Variants in ITPKB observed in about 807,000 individuals in gnomAD.
ITPKB encodes the protein inositol-trisphosphate 3-kinase B.
In ITPKB, 13 loss-of-function variants were observed where a neutral mutation model predicts 69.4. That is an observed-to-expected ratio of 0.19 (90% CI 0.12 to 0.30). The LOEUF is 0.30. ITPKB is among the 10% of genes least tolerant of loss of function. ITPKB has a pLI of 1.00. For synonymous variants in ITPKB, 584 were observed against 513.7 expected (o/e 1.14, Z -1.85); for missense variants, 1,240 against 1,250.5 (o/e 0.99, Z 0.13).
At chr1:226,719,516 T>C (rs528011015) in intron 2 of ITPKB, among the ~76,000 whole-genome samples, 1 of 152,306 alleles carries the variant, frequency 6.6e-6, no homozygotes, top group African/African-American at 2.4e-5. Context: ...ATATCACCTA[T>C]TGAAAGCCTG....
intron 2 of ITPKB, among the ~76,000 whole-genome samples, chr1:226,649,514 C>CGT (rs1669140585): frequency 6.9e-6 from 1 of 145,216 alleles, no homozygotes; most frequent in Admixed American, 6.9e-5. Flanking sequence ...GTGATATGTG[C>CGT]ATGTGTGTGA....
chr1:226,737,705 C>T (rs1168857228), intron 1 of ITPKB, 42 bp from the exon 2 acceptor site: 4 of 646,516 alleles, frequency 6.2e-6, no homozygotes, highest in South Asian at 7.2e-5. Flanking sequence ...CTGGAGGGCG[C>T]GCGGGGGGAG....
In ITPKB at chr1:226,732,545, GT is replaced by G. The variant is rs61106601; in HGVS notation, c.1932+2981del. The stretch of plus-strand genomic sequence containing the variant: ...GAGCCACCGTGCCCAGCGTTCTTTT[GT>G]TTTTTTTTTTTTTGTACATATAACT... On this transcript the variant is annotated intron_variant, in intron 2 of 7. Coordinates refer to ENST00000429204, the MANE Select transcript of ITPKB (RefSeq NM_002221.4). 8.6e-3 allele frequency among the ~76,000 whole-genome samples: 1,166 copies of G among 135,702 alleles called. 12 individuals carry two copies. The highest frequency in any genetic ancestry group is 0.022 in the African/African-American group (810 of 37,516). 89.0% of individuals were successfully genotyped at this position (135,702 alleles called of 152,430 possible).
chr1:226,705,529 C>CA (rs11290798), intron 2 of ITPKB, among the ~76,000 whole-genome samples: 27,076 of 120,320 alleles, frequency 0.23, 2,750 homozygotes, highest in Middle Eastern at 0.36. Context: ...AACGCCATCT[C>CA]AAAAAAAAAA....
chr1:226,703,152 C>CT (rs1351773282), intron 2 of ITPKB, among the ~76,000 whole-genome samples: 1 of 152,060 alleles, frequency 6.6e-6, no homozygotes, highest in African/African-American at 2.4e-5. Flanking sequence ...TGGGGAATGT[C>CT]TGAGTGGGTG....
intron 2 of ITPKB, among the ~76,000 whole-genome samples, chr1:226,661,146 C>T (rs1669396519): frequency 6.6e-6 from 1 of 152,240 alleles, no homozygotes; most frequent in Non-Finnish European, 1.5e-5. Flanking sequence ...ATCTCCACCC[C>T]CAACACACCT....
intron 2 of ITPKB, among the ~76,000 whole-genome samples, chr1:226,703,279 G>A (rs545203430): frequency 6.6e-6 from 1 of 152,286 alleles, no homozygotes; most frequent in East Asian, 1.9e-4. Flanking sequence ...CTGCACCAAG[G>A]GACCCAGGAA....
Position 226,737,467 on chromosome 1 carries a change from GTCCCGCGCTGCCCGCCGCCGCGGC to G in ITPKB, c.-33_-10del. ...TAGCAGTACACAGCCATAGTACTGG[GTCCCGCGCTGCCCGCCGCCGCGGC>G]TCCCGCTCCTGCTCCGCCGCCGGCG... On this transcript the variant is annotated 5_prime_UTR_variant, in exon 2 of 8. Transcript: ENST00000429204. 1 of 1,554,936 alleles carries G rather than the reference GTCCCGCGCTGCCCGCCGCCGCGGC, an allele frequency of 6.4e-7. No individual in the cohort carries two copies. The highest frequency in any genetic ancestry group is 1.2e-5 in the South Asian group (1 of 84,118).
At chr1:226,729,202 G>A (rs1468463441) in intron 2 of ITPKB, among the ~76,000 whole-genome samples, 6 of 152,088 alleles carry the variant, frequency 3.9e-5, no homozygotes, top group Non-Finnish European at 8.8e-5. Flanking sequence ...AAGGAAATGA[G>A]GCCAGGCGCG....
chr1:226,688,382 C>A (rs1360087463), intron 2 of ITPKB, among the ~76,000 whole-genome samples: 1 of 152,008 alleles, frequency 6.6e-6, no homozygotes, highest in Non-Finnish European at 1.5e-5. Context: ...CACTCCTGAC[C>A]GCCCCCCATC....
At chr1:226,702,541 C>G (rs1463217733) in intron 2 of ITPKB, among the ~76,000 whole-genome samples, 2 of 152,194 alleles carry the variant, frequency 1.3e-5, no homozygotes, top group African/African-American at 4.8e-5. Flanking sequence ...CAAAGGCAGG[C>G]AACAACTGGC....
Position 226,735,918 on chromosome 1 carries a change from T to A in ITPKB, c.1541A>T (p.Glu514Val). 2 of 1,613,754 alleles carry A rather than the reference T, an allele frequency of 1.2e-6. No homozygotes were observed. The highest frequency in any genetic ancestry group is 1.7e-6 in the Non-Finnish European group (2 of 1,179,740). The part of the protein sequence containing the change: ...GNSRVWQGTM[E>V]KAGLAWTRGT... ...ACGCGTCCAAGCCAAACCGGCTTTC[T>A]CCATGGTGCCCTGCCAAACCCTGGA... Residue 514 changes from glutamate (E) to valine (V), a missense_variant, in exon 2 of 8, where the codon GAG becomes GTG. Physicochemically the swap from Glu to Val is moderately radical, Grantham distance 121. Transcript: ENST00000429204.
intron 2 of ITPKB, among the ~76,000 whole-genome samples, chr1:226,695,536 G>A (rs533306774): frequency 1.2e-4 from 19 of 152,302 alleles, no homozygotes; most frequent in African/African-American, 4.3e-4. Context: ...TGCACTGACA[G>A]GGCAAGCAGT....
At chr1:226,728,826 C>A (rs766324458) in intron 2 of ITPKB, among the ~76,000 whole-genome samples, 1 of 152,160 alleles carries the variant, frequency 6.6e-6, no homozygotes, top group Non-Finnish European at 1.5e-5. Context: ...GGAATTTCAC[C>A]CAAGTCTCCT....
chr1:226,659,369 G>A (rs1231122307), intron 2 of ITPKB, among the ~76,000 whole-genome samples: 1 of 151,988 alleles, frequency 6.6e-6, no homozygotes, highest in Non-Finnish European at 1.5e-5. Context: ...GAGGGAGCAG[G>A]GTCCCTCCGG....
chr1:226,729,784 G>A (rs979499639), intron 2 of ITPKB, among the ~76,000 whole-genome samples: 8 of 151,888 alleles, frequency 5.3e-5, no homozygotes, highest in African/African-American at 1.2e-4. Context: ...TTTAGTAGAC[G>A]AGGTTTCACC....
intron 2 of ITPKB, among the ~76,000 whole-genome samples, chr1:226,679,777 C>T (rs918592837): frequency 6.6e-6 from 1 of 152,150 alleles, no homozygotes; most frequent in African/African-American, 2.4e-5. Flanking sequence ...CTGTAATGGA[C>T]ATGTCACAGT....
chr1:226,678,729 T>A (rs932074006), intron 2 of ITPKB, among the ~76,000 whole-genome samples: 2 of 152,258 alleles, frequency 1.3e-5, no homozygotes, highest in African/African-American at 4.8e-5. Context: ...GAGCCAGGAC[T>A]GGGATAAGGC....
At chr1:226,703,371 G>A (rs531763489) in intron 2 of ITPKB, among the ~76,000 whole-genome samples, 22 of 152,230 alleles carry the variant, frequency 1.4e-4, no homozygotes, top group Non-Finnish European at 2.9e-4. Context: ...GCTCAGGCCC[G>A]GTTCCCACCG....
Sources: allele counts gnomAD v4.1 joint callset (sites outside exome capture counted in the v4.1 genomes callset), GRCh38; gene constraint gnomAD v4.1.1; transcripts MANE v1.5; gene names NCBI Gene and HGNC (gene_info 2026-07-23, HGNC 2026-07-21).